Variants in IGSF21 observed in about 807,000 individuals in gnomAD.
IGSF21 encodes immunoglobulin superfamily member 21.
IGSF21 carries 28 observed loss-of-function variants against 46.8 expected under a neutral mutation model. The observed-to-expected ratio is 0.60, with a 90% CI of 0.44 to 0.82. IGSF21 has a LOEUF of 0.82. Among genes scored for constraint, IGSF21 ranks in the 40% least tolerant of loss-of-function variants. IGSF21 has a pLI of 0.00. For synonymous variants in IGSF21, 284 were observed against 273.6 expected (o/e 1.04, Z -0.38); for missense variants, 624 against 665.5 (o/e 0.94, Z 0.69).
At chr1:18,311,970 T>A (rs2085492733) in intron 3 of IGSF21, among the ~76,000 whole-genome samples, 1 of 152,146 alleles carries the variant, frequency 6.6e-6, no homozygotes, top group Admixed American at 6.5e-5. Flanking sequence ...TCCCTCTGGG[T>A]CTCTGCTCAG....
intron 1 of IGSF21, among the ~76,000 whole-genome samples, chr1:18,143,941 T>C (rs41487949): frequency 0.012 from 1,866 of 152,088 alleles, 33 homozygotes; most frequent in African/African-American, 0.043. Flanking sequence ...CTATGACTCT[T>C]TCATCAGATT....
intron 1 of IGSF21, among the ~76,000 whole-genome samples, chr1:18,202,789 A>G (rs536137377): frequency 1.1e-4 from 16 of 152,230 alleles, no homozygotes; most frequent in African/African-American, 3.9e-4. Context: ...ATCAATCAGT[A>G]TATCTATTTT....
chr1:18,328,275 C>T lies in IGSF21; in HGVS notation c.306-6617C>T, dbSNP rs559412263. 7.2e-5 allele frequency among the ~76,000 whole-genome samples: 11 copies of T among 152,230 alleles called. No homozygotes were observed. In the South Asian group the frequency reaches 2.1e-3, roughly 29 times the overall value. The stretch of plus-strand genomic sequence containing the variant: ...TAGCGCCTAACCTAGCTTAAATGTG[C>T]GGAAAACACTTTCATTAGCCTACAC... On this transcript the variant is annotated intron_variant, in intron 3 of 9. Coordinates refer to ENST00000251296, the MANE Select transcript of IGSF21 (RefSeq NM_032880.5).
chr1:18,169,368 G>A (rs1027158617), intron 1 of IGSF21, among the ~76,000 whole-genome samples: 2 of 152,192 alleles, frequency 1.3e-5, no homozygotes, highest in Admixed American at 6.5e-5. Context: ...GGTTGAAGAC[G>A]AAGCCCAGGC....
At chr1:18,315,656 AGATG>A (rs1472387992) in intron 3 of IGSF21, among the ~76,000 whole-genome samples, 5 of 150,102 alleles carry the variant, frequency 3.3e-5, no homozygotes, top group Non-Finnish European at 7.4e-5. Context: ...GTGGATGGGT[AGATG>A]GATGGAGAAT....
At chr1:18,367,380 A>G in intron 6 of IGSF21, among the ~76,000 whole-genome samples, 1 of 141,884 alleles carries the variant, frequency 7.0e-6, no homozygotes, top group Non-Finnish European at 1.6e-5. Flanking sequence ...CTCATTTTGC[A>G]TATGAGCAAA....
chr1:18,122,101 T>C (rs2124408320), intron 1 of IGSF21, among the ~76,000 whole-genome samples: 1 of 152,254 alleles, frequency 6.6e-6, no homozygotes, highest in African/African-American at 2.4e-5. Flanking sequence ...ACTGCAGAGA[T>C]TGCCAAAGAA....
intron 3 of IGSF21, among the ~76,000 whole-genome samples, chr1:18,304,721 A>T (rs2124578861): frequency 9.4e-6 from 1 of 106,860 alleles, no homozygotes; most frequent in African/African-American, 3.2e-5. Context: ...ACACACACAC[A>T]CACACACATA....
chr1:18,108,063 C>T lies in IGSF21; in HGVS notation c.-66C>T. On this transcript the variant is annotated 5_prime_UTR_variant, in exon 1 of 10. Coordinates refer to ENST00000251296, the MANE Select transcript of IGSF21 (RefSeq NM_032880.5). ...GGCAGGAGCGCGTCTGAGCCCATGG[C>T]GAGGGGACCCGCCGCCACCGCCTCC... The T allele has an allele frequency of 2.7e-6, 2 of 750,714 alleles. No individual in the cohort carries two copies. The highest frequency in any genetic ancestry group is 2.4e-5 in the South Asian group (1 of 42,094). 46.5% of individuals were successfully genotyped at this position (750,714 alleles called of 1,614,324 possible). A position where few individuals can be genotyped will look rare whatever the true frequency, so the allele number is the denominator to read the frequency against.
At chr1:18,177,394 T>TGGTC (rs1557573372) in intron 1 of IGSF21, among the ~76,000 whole-genome samples, 25,408 of 68,920 alleles carry the variant, frequency 0.37, 2,769 homozygotes, top group African/African-American at 0.5. Flanking sequence ...GTCAGTGAGG[T>TGGTC]GTGTGTGTGT....
chr1:18,311,907 A>G (rs1028367123), intron 3 of IGSF21, among the ~76,000 whole-genome samples: 1 of 152,210 alleles, frequency 6.6e-6, no homozygotes, highest in Non-Finnish European at 1.5e-5. Flanking sequence ...ACTACAATTC[A>G]AGATGAAATC....
chr1:18,217,042 G>C (rs370777740), intron 1 of IGSF21, among the ~76,000 whole-genome samples: 38 of 152,222 alleles, frequency 2.5e-4, no homozygotes, highest in Middle Eastern at 3.4e-3. Context: ...GGAGGGTGGT[G>C]CGAGGAATTT....
At chr1:18,185,520 G>A (rs2086895339) in intron 1 of IGSF21, among the ~76,000 whole-genome samples, 1 of 152,196 alleles carries the variant, frequency 6.6e-6, no homozygotes, top group South Asian at 2.1e-4. Flanking sequence ...CATTTAAGCT[G>A]CAGGTTGTGC....
chr1:18,345,975 T>G (rs983099025), intron 4 of IGSF21, among the ~76,000 whole-genome samples: 2 of 152,168 alleles, frequency 1.3e-5, no homozygotes, highest in African/African-American at 4.8e-5. Flanking sequence ...CCCTTTTTGC[T>G]GAATGGGGGT....
intron 2 of IGSF21, among the ~76,000 whole-genome samples, chr1:18,237,441 C>G (rs544300041): frequency 6.6e-6 from 1 of 152,360 alleles, no homozygotes; most frequent in East Asian, 1.9e-4. Flanking sequence ...CTTGACTGCA[C>G]TTTCCCTAAG....
intron 3 of IGSF21, among the ~76,000 whole-genome samples, chr1:18,321,867 A>T (rs1352060333): frequency 3.3e-5 from 5 of 152,188 alleles, no homozygotes; most frequent in Non-Finnish European, 5.9e-5. Context: ...CTGGTTGAGT[A>T]ACTTCAGCCA....
Position 18,370,746 on chromosome 1 carries a change from A to G in IGSF21, c.1015+5049A>G, listed in dbSNP as rs553657824. On this transcript the variant is annotated intron_variant, in intron 6 of 9. Coordinates refer to ENST00000251296, the MANE Select transcript of IGSF21 (RefSeq NM_032880.5). The stretch of plus-strand genomic sequence containing the variant: ...TTGTAACCAGAATATATAAAGAACT[A>G]TGACAAATCAATAATGAAAGACTAC... Among the ~76,000 whole-genome samples the G allele has an allele frequency of 1.6e-4, 24 of 152,322 alleles. No homozygotes were observed. In the East Asian group the frequency reaches 4.6e-3, roughly 29 times the overall value.
At chr1:18,186,909 G>A (rs557929335) in intron 1 of IGSF21, among the ~76,000 whole-genome samples, 3 of 152,084 alleles carry the variant, frequency 2.0e-5, no homozygotes, top group Admixed American at 2.0e-4. Context: ...GGCTGTGTCT[G>A]GGATCTATGC....
chr1:18,284,146 T>C (rs75396382), intron 2 of IGSF21, among the ~76,000 whole-genome samples: 5,887 of 152,156 alleles, frequency 0.039, 387 homozygotes, highest in African/African-American at 0.13. Flanking sequence ...ATAGACAAAC[T>C]CACAAAGGCA....
Sources: allele counts gnomAD v4.1 joint callset (sites outside exome capture counted in the v4.1 genomes callset), GRCh38; gene constraint gnomAD v4.1.1; transcripts MANE v1.5; gene names NCBI Gene and HGNC (gene_info 2026-07-23, HGNC 2026-07-21).